Variants in SELENOI observed in about 807,000 individuals in gnomAD.
The protein encoded by SELENOI is ethanolaminephosphotransferase 1.
Under a neutral mutation model 50.7 loss-of-function variants are expected in SELENOI, and 24 were observed. The observed-to-expected ratio is 0.47, with a 90% CI of 0.34 to 0.67. The LOEUF (loss-of-function observed/expected upper bound fraction) is 0.67, where lower values mean the gene tolerates loss of function less well. Among genes scored for constraint, SELENOI ranks in the 30% least tolerant of loss-of-function variants. The probability of loss-of-function intolerance (pLI) is 0.01; values close to 1 mark genes in which losing one functional copy is unlikely to be tolerated. For synonymous variants in SELENOI, 155 were observed against 170.2 expected, an observed-to-expected ratio of 0.91 and a Z score of 0.70; for missense variants, 352 against 461.4, an observed-to-expected ratio of 0.76 and a Z score of 2.17.
At chr2:26,373,860 T>C (rs955734753) in intron 5 of SELENOI, among the ~76,000 whole-genome samples, 4 of 152,204 alleles carry the variant, frequency 2.6e-5, no homozygotes, top group African/African-American at 9.7e-5. Flanking sequence ...TACCCATTGC[T>C]GAGGCTGAGG....
chr2:26,361,287 C>T (rs1053149339), intron 1 of SELENOI, among the ~76,000 whole-genome samples: 1 of 152,140 alleles, frequency 6.6e-6, no homozygotes, highest in Non-Finnish European at 1.5e-5. Flanking sequence ...GTTGAACATC[C>T]ACAGAGAGTC....
At chr2:26,370,682 G>GGGCCACCGGGCAGAGGCGCCCCTC (rs1161295896) in intron 4 of SELENOI, among the ~76,000 whole-genome samples, 1 of 130,222 alleles carries the variant, frequency 7.7e-6, no homozygotes. Flanking sequence ...GTCCCAGTAG[G>GGGCCACCGGGCAGAGGCGCCCCTC]GGCCACCGGG....
intron 9 of SELENOI, among the ~76,000 whole-genome samples, chr2:26,387,619 C>T (rs2147964189): frequency 6.7e-6 from 1 of 150,010 alleles, no homozygotes; most frequent in South Asian, 2.1e-4. Context: ...TCGCTGGAGC[C>T]CAGGAGGTCG....
chr2:26,370,972 G>C (rs1420365914), intron 4 of SELENOI, among the ~76,000 whole-genome samples: 1 of 129,112 alleles, frequency 7.7e-6, no homozygotes, highest in Non-Finnish European at 1.7e-5. Context: ...CTGGCCGGGC[G>C]GGGGGCTGAC....
rs984946875 is a variant in SELENOI at position 26,373,311 on chromosome 2, CT to C, written c.311-53del. 243 of 1,534,982 alleles carry C rather than the reference CT, an allele frequency of 1.6e-4. No homozygotes were observed. In the African/African-American group the frequency reaches 3.1e-3, roughly 20 times the overall value. On this transcript the variant is annotated intron_variant, in intron 4 of 9. Transcript: ENST00000260585. ...TTTTCCTCCAGTTTATTAAAGAAGA[CT>C]TTCTCCATCCTGGTGCATACGTTGA... is the stretch of plus-strand genomic sequence containing the variant.
intron 1 of SELENOI, among the ~76,000 whole-genome samples, chr2:26,348,603 A>G (rs1209467230): frequency 6.6e-6 from 1 of 152,120 alleles, no homozygotes; most frequent in Non-Finnish European, 1.5e-5. Context: ...ACTTAACGCA[A>G]TTGTATTAAA....
At chr2:26,365,841 G>A (rs910111458) in intron 3 of SELENOI, among the ~76,000 whole-genome samples, 3 of 129,968 alleles carry the variant, frequency 2.3e-5, no homozygotes, top group Admixed American at 1.8e-4. Flanking sequence ...TCACTCTGTC[G>A]CCCAGGCTGG....
rs1014517481 is a variant in SELENOI at position 26,382,574 on chromosome 2, G to GAAT, written c.683-723_683-722insTAA. Reference sequence around the variant, plus strand: ...GTTTAGCAAATGATAAGACAAAGCAGAAGATAGTAGATAGTGAGGACAGCA... The same window carrying GAAT: ...GTTTAGCAAATGATAAGACAAAGCAGAATAAGATAGTAGATAGTGAGGACAGCA... On this transcript the variant is annotated intron_variant, in intron 6 of 9. Transcript: ENST00000260585. Among the ~76,000 whole-genome samples the GAAT allele has an allele frequency of 1.1e-4, 16 of 152,048 alleles. No homozygotes were observed. In the East Asian group the frequency reaches 2.7e-3, roughly 26 times the overall value.
chr2:26,348,559 G>A (rs1323255918), intron 1 of SELENOI, among the ~76,000 whole-genome samples: 2 of 152,206 alleles, frequency 1.3e-5, no homozygotes, highest in East Asian at 3.8e-4. Context: ...TGGATTCTGT[G>A]TTATGTATTG....
chr2:26,377,358 G>A (rs11686204), intron 6 of SELENOI, among the ~76,000 whole-genome samples: 42,281 of 151,806 alleles, frequency 0.28, 6,882 homozygotes, highest in Non-Finnish European at 0.35. Context: ...CCCTGGGTGC[G>A]GTGGCTCACA....
intron 1 of SELENOI, among the ~76,000 whole-genome samples, chr2:26,362,893 A>C (rs955515496): frequency 6.6e-6 from 1 of 152,194 alleles, no homozygotes. Context: ...AATATTACCT[A>C]GTTCAAGACT....
intron 1 of SELENOI, among the ~76,000 whole-genome samples, chr2:26,360,207 G>T (rs1677146364): frequency 6.6e-6 from 1 of 152,184 alleles, no homozygotes; most frequent in Admixed American, 6.5e-5. Context: ...TCTTCTTCTT[G>T]TGGGTTCTTA....
intron 1 of SELENOI, among the ~76,000 whole-genome samples, chr2:26,362,529 G>A (rs1677199982): frequency 6.7e-6 from 1 of 149,482 alleles, no homozygotes; most frequent in Admixed American, 6.6e-5. Flanking sequence ...GGGAGGCCGA[G>A]GCAGGTGGGT....
chr2:26,360,272 GGT>G (rs1472870854), intron 1 of SELENOI, among the ~76,000 whole-genome samples: 1 of 152,142 alleles, frequency 6.6e-6, no homozygotes, highest in African/African-American at 2.4e-5. Context: ...AAAATACTCA[GGT>G]GTGTAAGGCG....
chr2:26,361,532 T>G (rs1226694001), intron 1 of SELENOI, among the ~76,000 whole-genome samples: 1 of 152,230 alleles, frequency 6.6e-6, no homozygotes, highest in Non-Finnish European at 1.5e-5. Context: ...ATGGTTAAAA[T>G]GAAACCTTGG....
At chr2:26,372,651 AGAGCAAG>A (rs930340706) in intron 4 of SELENOI, among the ~76,000 whole-genome samples, 7 of 152,206 alleles carry the variant, frequency 4.6e-5, no homozygotes, top group African/African-American at 1.4e-4. Flanking sequence ...TTTGGATCCT[AGAGCAAG>A]GAGGGGTGAG....
intron 3 of SELENOI, among the ~76,000 whole-genome samples, chr2:26,365,544 C>T (rs1677269921): frequency 6.6e-6 from 1 of 152,140 alleles, no homozygotes; most frequent in African/African-American, 2.4e-5. Flanking sequence ...TAGTTGGAGA[C>T]AAGTTTTGTT....
At chr2:26,381,297 G>T (rs1269587275) in intron 6 of SELENOI, among the ~76,000 whole-genome samples, 1 of 128,678 alleles carries the variant, frequency 7.8e-6, no homozygotes, top group African/African-American at 2.9e-5. Flanking sequence ...GCCTTCACTT[G>T]TGCAAGATGA....
intron 1 of SELENOI, among the ~76,000 whole-genome samples, chr2:26,360,448 A>G (rs1677152259): frequency 6.6e-6 from 1 of 152,254 alleles, no homozygotes; most frequent in Non-Finnish European, 1.5e-5. Context: ...TTAAAGCTTC[A>G]GAATTTTAAA....
Sources: allele counts gnomAD v4.1 joint callset (sites outside exome capture counted in the v4.1 genomes callset), GRCh38; gene constraint gnomAD v4.1.1; transcripts MANE v1.5; gene names NCBI Gene and HGNC (gene_info 2026-07-23, HGNC 2026-07-21).